Variants in RPS6KC1 observed in about 807,000 individuals in gnomAD.
RPS6KC1 encodes the protein inactive ribosomal protein S6 kinase delta-1.
In RPS6KC1, 54 loss-of-function variants were observed where a neutral mutation model predicts 103.8. The ratio of observed to expected loss-of-function variants is 0.52; its 90% CI spans 0.42 to 0.65. The LOEUF (loss-of-function observed/expected upper bound fraction) is 0.65, where lower values mean the gene tolerates loss of function less well. Among genes scored for constraint, RPS6KC1 ranks in the 30% least tolerant of loss-of-function variants. The pLI, the probability that RPS6KC1 is intolerant of heterozygous loss-of-function variation, is 0.00. For missense variants in RPS6KC1, 1,151 were observed against 1,253.8 expected (o/e 0.92, Z 1.24); for synonymous variants, 439 against 438.7 (o/e 1.00, Z -0.01).
the RPS6KC1 span, among the ~76,000 whole-genome samples, chr1:213,366,596 T>C: frequency 6.6e-6 from 1 of 152,232 alleles, no homozygotes; most frequent in Non-Finnish European, 1.5e-5. Context: ...AATGAATGGG[T>C]GTAGCTGTGT....
the RPS6KC1 span, among the ~76,000 whole-genome samples, chr1:213,317,082 G>A: frequency 6.6e-6 from 1 of 152,182 alleles, no homozygotes; most frequent in Non-Finnish European, 1.5e-5. Flanking sequence ...GATAAAATCG[G>A]AAGTATGTTT....
At chr1:213,239,561 A>G (rs542493293) in intron 10 of RPS6KC1, among the ~76,000 whole-genome samples, 2 of 152,300 alleles carry the variant, frequency 1.3e-5, no homozygotes, top group Admixed American at 1.3e-4. Flanking sequence ...ACTTTTTTAC[A>G]CATGCAATTG....
At chr1:213,521,250 G>A in the RPS6KC1 span, among the ~76,000 whole-genome samples, 19 of 152,146 alleles carry the variant, frequency 1.2e-4, no homozygotes, top group African/African-American at 4.6e-4. Flanking sequence ...TGAATTTTTT[G>A]GTTTCCCAGT....
At chr1:213,639,619 G>T in the RPS6KC1 span, among the ~76,000 whole-genome samples, 2 of 151,978 alleles carry the variant, frequency 1.3e-5, no homozygotes, top group South Asian at 4.1e-4. Context: ...AATAGATGTT[G>T]TACATTGTCA....
At chr1:213,800,256 T>C in the RPS6KC1 span, among the ~76,000 whole-genome samples, 1 of 152,168 alleles carries the variant, frequency 6.6e-6, no homozygotes, top group Admixed American at 6.5e-5. Flanking sequence ...ACGTCATTGA[T>C]GGTGTTCGAG....
chr1:213,808,503 C>G, the RPS6KC1 span, among the ~76,000 whole-genome samples: 2 of 152,234 alleles, frequency 1.3e-5, no homozygotes, highest in African/African-American at 4.8e-5. Flanking sequence ...CCTCCCCCAG[C>G]CTCGCTGCCA....
chr1:213,593,481 C>T, the RPS6KC1 span, among the ~76,000 whole-genome samples: 1 of 152,196 alleles, frequency 6.6e-6, no homozygotes, highest in Non-Finnish European at 1.5e-5. Context: ...CACACACATA[C>T]ACCCACACTT....
At chr1:213,586,306 A>G in the RPS6KC1 span, among the ~76,000 whole-genome samples, 1 of 152,066 alleles carries the variant, frequency 6.6e-6, no homozygotes, top group Non-Finnish European at 1.5e-5. Context: ...GATTAGAGGC[A>G]CTCTCTCAGC....
chr1:213,059,105 C>A (rs922891589), intron 1 of RPS6KC1, among the ~76,000 whole-genome samples: 1 of 152,058 alleles, frequency 6.6e-6, no homozygotes, highest in African/African-American at 2.4e-5. Flanking sequence ...CTTTATATCA[C>A]GTGACTTTTT....
chr1:213,125,628 G>C (rs1572693343), intron 5 of RPS6KC1: 1 of 11,704 alleles, frequency 8.5e-5, no homozygotes, highest in African/African-American at 1.4e-4. Context: ...TTATCTGCTT[G>C]TGTGTGTGTG....
chr1:213,475,661 A>T, the RPS6KC1 span, among the ~76,000 whole-genome samples: 1 of 150,178 alleles, frequency 6.7e-6, no homozygotes, highest in Non-Finnish European at 1.5e-5. Flanking sequence ...CCACGAGGCC[A>T]TGAAAGTTCA....
the RPS6KC1 span, among the ~76,000 whole-genome samples, chr1:213,551,033 T>A: frequency 6.6e-6 from 1 of 152,194 alleles, no homozygotes; most frequent in African/African-American, 2.4e-5. Flanking sequence ...TTGGGCCAGG[T>A]TGGGCTCTGG....
At chr1:213,607,760 TATCTC>T in the RPS6KC1 span, among the ~76,000 whole-genome samples, 2 of 152,020 alleles carry the variant, frequency 1.3e-5, no homozygotes, top group East Asian at 3.9e-4. Flanking sequence ...TTTCTTTCCT[TATCTC>T]AACTTTCAGA....
intron 3 of RPS6KC1, among the ~76,000 whole-genome samples, chr1:213,083,131 G>C (rs2080056869): frequency 6.6e-6 from 1 of 152,098 alleles, no homozygotes; most frequent in East Asian, 1.9e-4. Flanking sequence ...TTGTTAGCTT[G>C]GACTGACAAG....
the RPS6KC1 span, among the ~76,000 whole-genome samples, chr1:213,603,961 A>C: frequency 6.6e-6 from 1 of 152,188 alleles, no homozygotes; most frequent in Non-Finnish European, 1.5e-5. Flanking sequence ...AGAGAGAACC[A>C]AACTAATTGG....
chr1:213,769,108 A>AT, the RPS6KC1 span, among the ~76,000 whole-genome samples: 2 of 152,188 alleles, frequency 1.3e-5, no homozygotes, highest in African/African-American at 4.8e-5. Flanking sequence ...AATGGGCATG[A>AT]TTAGGGATCC....
the RPS6KC1 span, among the ~76,000 whole-genome samples, chr1:213,708,544 C>T: frequency 6.6e-6 from 1 of 152,100 alleles, no homozygotes; most frequent in African/African-American, 2.4e-5. Context: ...TGCTTTATTT[C>T]TTTCTCTTGC....
the RPS6KC1 span, among the ~76,000 whole-genome samples, chr1:213,508,263 A>C: frequency 6.6e-6 from 1 of 152,238 alleles, no homozygotes; most frequent in African/African-American, 2.4e-5. Flanking sequence ...TGCATTGAAA[A>C]AGCCTGTTCA....
chr1:213,510,873 C>G, the RPS6KC1 span, among the ~76,000 whole-genome samples: 1 of 152,056 alleles, frequency 6.6e-6, no homozygotes. Flanking sequence ...TACTTTGGTG[C>G]CTAGCCCAGG....
Sources: gnomAD v4.1 joint callset for allele counts (sites outside exome capture counted in the v4.1 genomes callset) on GRCh38, gnomAD v4.1.1 for gene constraint, MANE v1.5 for transcripts, NCBI Gene and HGNC (gene_info 2026-07-23, HGNC 2026-07-21) for gene names.